TGFB2: variants seen among roughly 807,000 people sequenced by gnomAD.
TGFB2 encodes transforming growth factor beta 2, also known as transforming growth factor beta-2 proprotein.
In TGFB2, 13 loss-of-function variants were observed where a neutral mutation model predicts 42.7. The ratio of observed to expected loss-of-function variants is 0.30; its 90% CI spans 0.20 to 0.48. The LOEUF is 0.48. Ranked by LOEUF, TGFB2 falls within the 20% of genes least tolerant of loss-of-function variation. The pLI, the probability that TGFB2 is intolerant of heterozygous loss-of-function variation, is 0.99. For synonymous variants in TGFB2, 193 were observed against 193.6 expected (o/e 1.00, Z 0.03); for missense variants, 390 against 517.5 (o/e 0.75, Z 2.39).
At chr1:218,387,955 C>T (rs1014109444) in intron 1 of TGFB2, among the ~76,000 whole-genome samples, 1 of 152,098 alleles carries the variant, frequency 6.6e-6, no homozygotes, top group Non-Finnish European at 1.5e-5. Flanking sequence ...CCCACCCCCA[C>T]TGGCATTATT....
chr1:218,434,586 T>C (rs773597986), intron 4 of TGFB2, 138 bp downstream of exon 4: 7 of 627,564 alleles, frequency 1.1e-5, no homozygotes, highest in Non-Finnish European at 1.7e-5. Flanking sequence ...AGTGATATGG[T>C]TGGATATACA....
chr1:218,368,381 C>A (rs978579256), intron 1 of TGFB2, among the ~76,000 whole-genome samples: 2 of 151,944 alleles, frequency 1.3e-5, no homozygotes, highest in Non-Finnish European at 2.9e-5. Context: ...AGGTGATCCA[C>A]CCACCTTGGC....
At chr1:218,378,264 C>T (rs1657816472) in intron 1 of TGFB2, among the ~76,000 whole-genome samples, 1 of 152,202 alleles carries the variant, frequency 6.6e-6, no homozygotes, top group Non-Finnish European at 1.5e-5. Flanking sequence ...GCAACCTCCG[C>T]CTCCCGGGTT....
chr1:218,347,125 T>C lies in TGFB2; in HGVS notation c.346+78T>C. 1.1e-5 allele frequency: 15 copies of C among 1,363,918 alleles called. No individual in the cohort carries two copies. In the South Asian group the frequency reaches 1.8e-4, roughly 17 times the overall value. 84.5% of individuals were successfully genotyped at this position (1,363,918 alleles called of 1,614,324 possible). A position where few individuals can be genotyped will look rare whatever the true frequency, so the allele number is the denominator to read the frequency against. ...CTCAAAACCGCAGCAGCTCCCGGGATCGCCCTTCCCTCTCGCGGTTCCCGT... is the reference window on the plus strand; with the variant it reads ...CTCAAAACCGCAGCAGCTCCCGGGACCGCCCTTCCCTCTCGCGGTTCCCGT... On this transcript the variant is annotated intron_variant, in intron 1 of 6. Transcript: ENST00000366930.
intron 1 of TGFB2, among the ~76,000 whole-genome samples, chr1:218,357,818 A>T (rs1657090055): frequency 1.3e-5 from 2 of 152,310 alleles, no homozygotes; most frequent in South Asian, 4.1e-4. Context: ...TAATTATGAA[A>T]CAGGTTATTT....
At position 218,346,652 on chromosome 1, in the gene TGFB2, T is replaced by C. The variant is rs1488427940; in HGVS notation, c.-50T>C. 6.7e-7 allele frequency: 1 copy of C among 1,489,878 alleles called. No homozygotes were observed. The highest frequency in any genetic ancestry group is 1.4e-5 in the African/African-American group (1 of 70,686). The allele number at this position is 1,489,878 out of a possible 1,614,324, so 92.3% of individuals were successfully genotyped here. On this transcript the variant is annotated 5_prime_UTR_variant, in exon 1 of 7. Transcript: ENST00000366930. This position sits in a 1 kb window ranked among gnomAD's most constrained non-coding sequence, Gnocchi z 4.9. ...ATACTTTGAGAATTGTTGATTTCTTTTTTTTATTCTGACTTTTAAAAACAA... is the reference window on the plus strand; with the variant it reads ...ATACTTTGAGAATTGTTGATTTCTTCTTTTTATTCTGACTTTTAAAAACAA...
intron 1 of TGFB2, among the ~76,000 whole-genome samples, chr1:218,381,834 T>G (rs984322015): frequency 1.0e-4 from 15 of 149,106 alleles, no homozygotes; most frequent in South Asian, 4.2e-4. Flanking sequence ...TGTGTAGGGG[T>G]GTGTGTGTGT....
intron 2 of TGFB2, among the ~76,000 whole-genome samples, chr1:218,433,727 G>A (rs1323402937): frequency 6.6e-6 from 1 of 152,146 alleles, no homozygotes; most frequent in African/African-American, 2.4e-5. Context: ...TAAATAAGTA[G>A]GGAAGCAGAA....
intron 1 of TGFB2, among the ~76,000 whole-genome samples, chr1:218,369,378 T>A (rs1657499426): frequency 6.6e-6 from 1 of 151,712 alleles, no homozygotes; most frequent in Non-Finnish European, 1.5e-5. Context: ...GGCAACTGCA[T>A]TTCTATAGCA....
At chr1:218,410,261 T>C (rs992033516) in intron 2 of TGFB2, among the ~76,000 whole-genome samples, 3 of 152,186 alleles carry the variant, frequency 2.0e-5, no homozygotes, top group Non-Finnish European at 4.4e-5. Flanking sequence ...GGACGTAGGA[T>C]AACAATTCTA....
intron 6 of TGFB2, among the ~76,000 whole-genome samples, chr1:218,439,867 C>A (rs1660097572): frequency 6.6e-6 from 1 of 152,220 alleles, no homozygotes; most frequent in South Asian, 2.1e-4. Flanking sequence ...GTGGTTTGGA[C>A]AGTTACCCAA....
chr1:218,369,490 T>C (rs1657502588), intron 1 of TGFB2, among the ~76,000 whole-genome samples: 1 of 152,128 alleles, frequency 6.6e-6, no homozygotes, highest in South Asian at 2.1e-4. Flanking sequence ...TTTTTCTGTT[T>C]GATGGTTTTT....
At chr1:218,369,953 C>A (rs1031399835) in intron 1 of TGFB2, among the ~76,000 whole-genome samples, 4 of 152,172 alleles carry the variant, frequency 2.6e-5, no homozygotes, top group Non-Finnish European at 4.4e-5. Context: ...AAGCTTTGAA[C>A]AGGAAGACTT....
Position 218,441,502 on chromosome 1 carries a change from T to A in TGFB2, c.*140T>A. On this transcript the variant is annotated 3_prime_UTR_variant, in exon 7 of 7. Coordinates refer to ENST00000366930, the MANE Select transcript of TGFB2 (RefSeq NM_003238.6). ...TAAAAAATTTTTGAAAAGGCGGTACTAGTTCAGACACTTTGGAAGTTTGTG... is the reference window on the plus strand; with the variant it reads ...TAAAAAATTTTTGAAAAGGCGGTACAAGTTCAGACACTTTGGAAGTTTGTG... The A allele has an allele frequency of 1.3e-6, 1 of 762,538 alleles. No individual in the cohort carries two copies. The highest frequency in any genetic ancestry group is 2.0e-6 in the Non-Finnish European group (1 of 512,586). The allele number at this position is 762,538 out of a possible 1,614,324, so 47.2% of individuals were successfully genotyped here.
At chr1:218,361,800 G>A (rs1657220634) in intron 1 of TGFB2, among the ~76,000 whole-genome samples, 1 of 152,164 alleles carries the variant, frequency 6.6e-6, no homozygotes, top group African/African-American at 2.4e-5. Context: ...TTATTTGAGG[G>A]AATTTTCTTC....
At chr1:218,396,249 A>T (rs1415659688) in intron 1 of TGFB2, among the ~76,000 whole-genome samples, 2 of 152,240 alleles carry the variant, frequency 1.3e-5, no homozygotes, top group Non-Finnish European at 2.9e-5. Flanking sequence ...AAGCATATTA[A>T]TAAGCCTATC....
At chr1:218,400,612 C>T (rs1658683549) in intron 1 of TGFB2, among the ~76,000 whole-genome samples, 1 of 152,152 alleles carries the variant, frequency 6.6e-6, no homozygotes, top group Non-Finnish European at 1.5e-5. Flanking sequence ...AGAAATCACC[C>T]ATTAAAGAAC....
chr1:218,391,500 G>T (rs1039265167), intron 1 of TGFB2, among the ~76,000 whole-genome samples: 11 of 152,118 alleles, frequency 7.2e-5, no homozygotes, highest in African/African-American at 2.4e-4. Flanking sequence ...GAGTTTTGGG[G>T]ATTGAATGAA....
chr1:218,409,667 A>G (rs945100456), intron 2 of TGFB2, among the ~76,000 whole-genome samples: 4 of 92,986 alleles, frequency 4.3e-5, no homozygotes, highest in Admixed American at 9.7e-5. Context: ...TTATTTTGGA[A>G]AAAAAAAACA....
Sources: gnomAD v4.1 joint callset for allele counts (sites outside exome capture counted in the v4.1 genomes callset) on GRCh38, gnomAD v4.1.1 for gene constraint, Gnocchi (gnomAD v3.1) non-coding constraint, MANE v1.5 for transcripts, NCBI Gene and HGNC (gene_info 2026-07-23, HGNC 2026-07-21) for gene names.